The following ZFAT variants were observed in gnomAD, a reference collection of about 807,000 sequenced individuals.
The protein encoded by ZFAT is zinc finger and AT-hook domain containing, also known as zinc finger protein ZFAT.
In ZFAT, 64 loss-of-function variants were observed where a neutral mutation model predicts 117.7. The ratio of observed to expected loss-of-function variants is 0.54; its 90% CI spans 0.44 to 0.67. The LOEUF is 0.67. Among genes scored for constraint, ZFAT ranks in the 30% least tolerant of loss-of-function variants. The pLI is 0.00. For synonymous variants in ZFAT, 679 were observed against 615.0 expected (o/e 1.10, Z -1.54); for missense variants, 1,433 against 1,584.5 (o/e 0.90, Z 1.62).
intron 3 of ZFAT, among the ~76,000 whole-genome samples, chr8:134,614,446 T>G (rs1239427413): frequency 6.6e-6 from 1 of 152,170 alleles, no homozygotes; most frequent in Middle Eastern, 3.2e-3. Flanking sequence ...TCTGTGATAC[T>G]CTGTACCCTT....
At chr8:134,805,022 T>C in the ZFAT span, 1 of 465,928 alleles carries the variant, frequency 2.1e-6, no homozygotes, top group Non-Finnish European at 4.5e-6. Flanking sequence ...TAATAATTTA[T>C]ATAATTTCTA....
At chr8:134,538,599 C>T (rs1822015182) in intron 11 of ZFAT, among the ~76,000 whole-genome samples, 1 of 152,022 alleles carries the variant, frequency 6.6e-6, no homozygotes, top group Non-Finnish European at 1.5e-5. Context: ...GAGTTCGAGA[C>T]CAGCCTGGGT....
the ZFAT span, among the ~76,000 whole-genome samples, chr8:134,736,582 T>TTC: frequency 2.5e-3 from 385 of 151,216 alleles, 2 homozygotes; most frequent in African/African-American, 9.0e-3. Context: ...ACATGTGCCA[T>TTC]TCTCTCTCTC....
chr8:134,663,497 G>A (rs771203992), intron 1 of ZFAT, among the ~76,000 whole-genome samples: 27 of 152,032 alleles, frequency 1.8e-4, no homozygotes, highest in African/African-American at 3.1e-4. Context: ...CCAGCACTTC[G>A]GGAGGGCAAG....
At chr8:134,696,364 A>T in intron 1 of ZFAT, 5 of 985,222 alleles carry the variant, frequency 5.1e-6, no homozygotes, top group Non-Finnish European at 6.0e-6. Context: ...AACAGCCGAG[A>T]CACCTCTGAA....
chr8:134,624,297 C>T (rs951480550), intron 3 of ZFAT, among the ~76,000 whole-genome samples: 1 of 151,968 alleles, frequency 6.6e-6, no homozygotes, highest in South Asian at 2.1e-4. Context: ...AAGTAAGTTC[C>T]TTTTACCTCA....
intron 3 of ZFAT, 131 bp downstream of exon 3, chr8:134,637,330 C>T (rs1348363838): frequency 2.4e-6 from 3 of 1,231,986 alleles, no homozygotes; most frequent in Admixed American, 2.3e-5. Flanking sequence ...AAAATAAGCA[C>T]TTTTCCAGAT....
chr8:134,637,777 C>G, intron 2 of ZFAT, 65 bp from the exon 3 acceptor site: 1 of 1,552,920 alleles, frequency 6.4e-7, no homozygotes, highest in Admixed American at 1.9e-5. Flanking sequence ...TCACAATCAC[C>G]CTCCAAGTGT....
At chr8:134,699,862 C>T (rs890091947) in intron 1 of ZFAT, among the ~76,000 whole-genome samples, 4 of 152,162 alleles carry the variant, frequency 2.6e-5, no homozygotes, top group East Asian at 1.9e-4. Flanking sequence ...TTCATGCTGT[C>T]GGGATGGACA....
chr8:134,818,414 A>G, the ZFAT span, among the ~76,000 whole-genome samples: 1 of 152,206 alleles, frequency 6.6e-6, no homozygotes, highest in Admixed American at 6.5e-5. Context: ...AATTAAAACC[A>G]CCACTACTCA....
At chr8:134,776,463 C>A in the ZFAT span, among the ~76,000 whole-genome samples, 3 of 151,944 alleles carry the variant, frequency 2.0e-5, no homozygotes, top group Non-Finnish European at 4.4e-5. Flanking sequence ...CCACCACATC[C>A]GGCTAGTTAT....
intron 7 of ZFAT, chr8:134,599,147 A>T (rs1827199467): frequency 6.6e-6 from 1 of 152,274 alleles, no homozygotes; most frequent in Non-Finnish European, 1.5e-5. Context: ...TACAAACAAC[A>T]TGCCTTCACA....
intron 1 of ZFAT, among the ~76,000 whole-genome samples, chr8:134,690,969 A>C (rs1833555762): frequency 6.6e-6 from 1 of 152,212 alleles, no homozygotes; most frequent in African/African-American, 2.4e-5. Flanking sequence ...CATTTTGTTC[A>C]TGAGAATAAT....
chr8:134,600,386 G>A (rs1244590663), intron 7 of ZFAT, 50 bp downstream of exon 7: 1 of 1,508,236 alleles, frequency 6.6e-7, no homozygotes. Context: ...ACTTGAGAAA[G>A]CAATGAGCAC....
intron 15 of ZFAT, among the ~76,000 whole-genome samples, chr8:134,507,899 G>T (rs1476067844): frequency 2.6e-5 from 4 of 152,268 alleles, no homozygotes; most frequent in African/African-American, 9.6e-5. Context: ...TCCAGCTGGG[G>T]ACTCCACATG....
At chr8:134,504,406 T>A (rs558648506) in intron 15 of ZFAT, among the ~76,000 whole-genome samples, 109 of 152,266 alleles carry the variant, frequency 7.2e-4, no homozygotes, top group Admixed American at 2.2e-3. Flanking sequence ...TGCTGTGTCA[T>A]CATAAGGTGT....
chr8:134,726,854 C>T, the ZFAT span, among the ~76,000 whole-genome samples: 9 of 152,070 alleles, frequency 5.9e-5, no homozygotes, highest in Admixed American at 5.2e-4. Flanking sequence ...AGCAATCCAC[C>T]GCCTCCCAAA....
At chr8:134,760,232 C>T in the ZFAT span, among the ~76,000 whole-genome samples, 1 of 148,968 alleles carries the variant, frequency 6.7e-6, no homozygotes. Context: ...CATGCCACTG[C>T]ACTCCAGCCT....
the ZFAT span, among the ~76,000 whole-genome samples, chr8:134,802,359 A>T: frequency 3.3e-5 from 5 of 152,242 alleles, no homozygotes; most frequent in African/African-American, 1.2e-4. Context: ...AGCTGTAACA[A>T]GAGTAGAAGG....
Sources: allele counts gnomAD v4.1 joint callset (sites outside exome capture counted in the v4.1 genomes callset), GRCh38; gene constraint gnomAD v4.1.1; transcripts MANE v1.5; gene names NCBI Gene and HGNC (gene_info 2026-07-23, HGNC 2026-07-21).